LRGUK: variants seen among roughly 807,000 people sequenced by gnomAD.
LRGUK encodes leucine-rich repeat and guanylate kinase domain-containing protein.
Under a neutral mutation model 76.0 loss-of-function variants are expected in LRGUK, and 65 were observed. The ratio of observed to expected loss-of-function variants is 0.85; its 90% CI spans 0.70 to 1.05. The LOEUF (loss-of-function observed/expected upper bound fraction) is 1.05, where lower values mean the gene tolerates loss of function less well. Among genes scored for constraint, LRGUK ranks in the 50% least tolerant of loss-of-function variants. The pLI is 0.00. For missense variants in LRGUK, 758 were observed against 732.8 expected (o/e 1.03, Z -0.40); for synonymous variants, 268 against 265.6 (o/e 1.01, Z -0.09).
chr7:134,148,648 G>A (rs1422932497), intron 5 of LRGUK, among the ~76,000 whole-genome samples: 2 of 152,112 alleles, frequency 1.3e-5, no homozygotes, highest in African/African-American at 2.4e-5. Flanking sequence ...TTTCTCAGTC[G>A]GGTGCGTTGG....
At chr7:134,240,195 C>T (rs781086537) in intron 16 of LRGUK, among the ~76,000 whole-genome samples, 10 of 152,146 alleles carry the variant, frequency 6.6e-5, no homozygotes, top group Non-Finnish European at 1.5e-4. Flanking sequence ...CAAAGCTGGA[C>T]GGAGAATGAC....
chr7:134,150,644 A>G (rs896995901), intron 5 of LRGUK, among the ~76,000 whole-genome samples: 2 of 152,164 alleles, frequency 1.3e-5, no homozygotes, highest in East Asian at 1.9e-4. Context: ...CCCCAGAAAA[A>G]CATTCTATGT....
intron 7 of LRGUK, among the ~76,000 whole-genome samples, chr7:134,171,056 T>C (rs1240085161): frequency 6.6e-6 from 1 of 152,196 alleles, no homozygotes; most frequent in South Asian, 2.1e-4. Context: ...ATAAAACTAT[T>C]TGTCTTTAGT....
At chr7:134,196,711 G>T (rs1800499796) in intron 12 of LRGUK, among the ~76,000 whole-genome samples, 1 of 152,074 alleles carries the variant, frequency 6.6e-6, no homozygotes, top group South Asian at 2.1e-4. Flanking sequence ...AAACAAAATA[G>T]TCTATTTTAC....
At chr7:134,182,707 G>A (rs1303168203) in intron 10 of LRGUK, among the ~76,000 whole-genome samples, 29 of 152,080 alleles carry the variant, frequency 1.9e-4, no homozygotes, top group Non-Finnish European at 1.5e-5. Context: ...TGTGTCATGA[G>A]TAGAGTTTAA....
At chr7:134,221,637 T>C in intron 15 of LRGUK, 142 bp from the exon 16 acceptor site, 1 of 515,806 alleles carries the variant, frequency 1.9e-6, no homozygotes, top group Non-Finnish European at 3.1e-6. Context: ...GATATATTTT[T>C]ATTTTATTTT....
At chr7:134,243,451 A>G (rs1327416978) in intron 16 of LRGUK, among the ~76,000 whole-genome samples, 3 of 152,312 alleles carry the variant, frequency 2.0e-5, no homozygotes, top group African/African-American at 4.8e-5. Context: ...CCCATTCGCA[A>G]TTGCTTCAAA....
At chr7:134,141,080 A>G (rs1797746374) in intron 3 of LRGUK, among the ~76,000 whole-genome samples, 1 of 152,184 alleles carries the variant, frequency 6.6e-6, no homozygotes, top group Admixed American at 6.5e-5. Context: ...ACTGCTGACA[A>G]CAGGAGCAGG....
chr7:134,243,227 T>G (rs2117197273), intron 16 of LRGUK, among the ~76,000 whole-genome samples: 1 of 152,144 alleles, frequency 6.6e-6, no homozygotes. Flanking sequence ...GAGAAAGAAA[T>G]AAAAGGTATT....
chr7:134,219,474 A>G (rs946683566), intron 15 of LRGUK, among the ~76,000 whole-genome samples: 1 of 152,238 alleles, frequency 6.6e-6, no homozygotes, highest in Admixed American at 6.5e-5. Flanking sequence ...CACAAAAACT[A>G]TATTTTGAAT....
chr7:134,173,918 G>A (rs895187633), intron 7 of LRGUK, among the ~76,000 whole-genome samples: 9 of 152,056 alleles, frequency 5.9e-5, no homozygotes, highest in African/African-American at 1.9e-4. Context: ...AGACCATCCT[G>A]GCCAGCATGG....
chr7:134,174,230 T>G (rs1197354702), intron 7 of LRGUK, among the ~76,000 whole-genome samples: 1 of 152,110 alleles, frequency 6.6e-6, no homozygotes, highest in Non-Finnish European at 1.5e-5. Context: ...CAGGTCATCC[T>G]TGGGTGCATT....
At chr7:134,211,169 T>C (rs1462807039), downstream of LRGUK, among the ~76,000 whole-genome samples, 3 of 152,214 alleles carry the variant, frequency 2.0e-5, no homozygotes, top group Non-Finnish European at 4.4e-5. Context: ...CTGTGCCTCT[T>C]CTGCTGTTGC....
chr7:134,157,095 A>G (rs1798496310), intron 5 of LRGUK, among the ~76,000 whole-genome samples: 1 of 152,248 alleles, frequency 6.6e-6, no homozygotes, highest in East Asian at 1.9e-4. Context: ...AAGATGGAAC[A>G]CAGAAGGTAA....
intron 2 of LRGUK, among the ~76,000 whole-genome samples, chr7:134,138,121 T>A (rs1328557229): frequency 6.6e-6 from 1 of 152,218 alleles, no homozygotes; most frequent in Admixed American, 6.5e-5. Flanking sequence ...CCTGTATGCA[T>A]TGCACTGTGT....
At chr7:134,178,187 G>A (rs1799566762) in intron 9 of LRGUK, among the ~76,000 whole-genome samples, 1 of 151,992 alleles carries the variant, frequency 6.6e-6, no homozygotes, top group African/African-American at 2.4e-5. Flanking sequence ...GGCTTTAGAG[G>A]GGCTGTGGGT....
intron 18 of LRGUK, among the ~76,000 whole-genome samples, chr7:134,255,897 G>A (rs962467419): frequency 6.6e-6 from 1 of 152,088 alleles, no homozygotes; most frequent in Non-Finnish European, 1.5e-5. Flanking sequence ...GGCATCCAGT[G>A]ATGAGACAGC....
At chr7:134,258,468 C>T (rs1398104569) in intron 19 of LRGUK, 63 bp downstream of exon 19, 4 of 1,467,156 alleles carry the variant, frequency 2.7e-6, no homozygotes, top group East Asian at 4.7e-5. Flanking sequence ...GAGGCCGAGG[C>T]GAATGGATCT....
chr7:134,179,379 A>G (rs934345521), intron 10 of LRGUK, among the ~76,000 whole-genome samples: 2 of 152,244 alleles, frequency 1.3e-5, no homozygotes, highest in Non-Finnish European at 2.9e-5. Context: ...TCTTGGATAT[A>G]AATGGCTTCT....
Sources: allele counts gnomAD v4.1 joint callset (sites outside exome capture counted in the v4.1 genomes callset), GRCh38; gene constraint gnomAD v4.1.1; transcripts MANE v1.5; gene names NCBI Gene and HGNC (gene_info 2026-07-23, HGNC 2026-07-21).